The following ADCY1 variants were observed in gnomAD, a reference collection of about 807,000 sequenced individuals.
The protein encoded by ADCY1 is adenylate cyclase type 1.
ADCY1 carries 28 observed loss-of-function variants against 105.4 expected under a neutral mutation model. The ratio of observed to expected loss-of-function variants is 0.27; its 90% CI spans 0.20 to 0.36. ADCY1 has a LOEUF of 0.36. ADCY1 is among the 10% of genes least tolerant of loss of function. The pLI is 1.00. For synonymous variants in ADCY1, 655 were observed against 623.8 expected (o/e 1.05, Z -0.75); for missense variants, 977 against 1,434.2 (o/e 0.68, Z 5.15).
At chr7:45,639,760 T>A (rs1240442380) in intron 4 of ADCY1, among the ~76,000 whole-genome samples, 1 of 152,142 alleles carries the variant, frequency 6.6e-6, no homozygotes, top group East Asian at 1.9e-4. Context: ...GGGTCCCTGA[T>A]GGGGATCAGT....
intron 4 of ADCY1, among the ~76,000 whole-genome samples, chr7:45,634,743 C>A (rs575728382): frequency 6.6e-6 from 1 of 152,300 alleles, no homozygotes; most frequent in African/African-American, 2.4e-5. Context: ...ATCAGTCATA[C>A]AGTTTTGACT....
chr7:45,635,601 GTTTTTTTTTTTTTTT>G (rs71030884), intron 4 of ADCY1, among the ~76,000 whole-genome samples: 5 of 57,196 alleles, frequency 8.7e-5, no homozygotes, highest in African/African-American at 1.4e-4. Flanking sequence ...AATTTCTCTT[GTTTTTTTTTTTTTTT>G]TTTTTTTTTT....
intron 3 of ADCY1, among the ~76,000 whole-genome samples, chr7:45,613,585 TATATC>T (rs1793650656): frequency 6.6e-6 from 1 of 152,120 alleles, no homozygotes; most frequent in Non-Finnish European, 1.5e-5. Flanking sequence ...GATGTAAAAA[TATATC>T]ATTAAATATG....
Position 45,713,944 on chromosome 7 carries a change from A to C in ADCY1, c.3309A>C (p.Pro1103=), listed in dbSNP as rs1273363971. Residue 1103 remains proline, a synonymous_variant, in exon 20 of 20, where the codon CCA becomes CCC. Coordinates refer to ENST00000297323, the MANE Select transcript of ADCY1 (RefSeq NM_021116.4). ...TCTCAGTCAGGGCTGGGCTCCCTCCACACTCCCCAGGCCAGTACCTGCCCT... is the reference window on the plus strand; with the variant it reads ...TCTCAGTCAGGGCTGGGCTCCCTCCCCACTCCCCAGGCCAGTACCTGCCCT... The part of the protein sequence containing the change: ...PGVSVRAGLP[P]HSPGQYLPSA... 1 of 780,194 alleles carries C rather than the reference A, an allele frequency of 1.3e-6. No homozygotes were observed. Among genetic ancestry groups the C allele is most frequent in the Non-Finnish European group, 2.4e-6 (1 of 418,096 alleles). The allele number at this position is 780,194 out of a possible 1,614,324, so 48.3% of individuals were successfully genotyped here. A position where few individuals can be genotyped will look rare whatever the true frequency, so the allele number is the denominator to read the frequency against.
At chr7:45,625,489 G>T (rs183555211) in intron 4 of ADCY1, among the ~76,000 whole-genome samples, 7 of 151,786 alleles carry the variant, frequency 4.6e-5, no homozygotes, top group African/African-American at 1.5e-4. Flanking sequence ...ATGTGCACAC[G>T]TGTGTACACA....
In ADCY1 at chr7:45,609,286, T is replaced by C. The variant is rs372441486; in HGVS notation, c.790-1093T>C. Among the ~76,000 whole-genome samples the C allele has an allele frequency of 3.9e-5, 6 of 152,262 alleles. No homozygotes were observed. In the East Asian group the frequency reaches 1.2e-3, roughly 30 times the overall value. Reference sequence around the variant, plus strand: ...GCTCCTGGGTCAGGGATGTAGCCTGTGCAGGAGGGACTCCCAGGGCTGTGC... The same window carrying C: ...GCTCCTGGGTCAGGGATGTAGCCTGCGCAGGAGGGACTCCCAGGGCTGTGC... On this transcript the variant is annotated intron_variant, in intron 2 of 19. Coordinates refer to ENST00000297323, the MANE Select transcript of ADCY1 (RefSeq NM_021116.4).
At chr7:45,699,394 C>T (rs1213836999) in intron 14 of ADCY1, among the ~76,000 whole-genome samples, 1 of 152,082 alleles carries the variant, frequency 6.6e-6, no homozygotes. Context: ...AGTGAGTCCC[C>T]CATCTCTGTG....
intron 14 of ADCY1, among the ~76,000 whole-genome samples, chr7:45,700,969 C>T (rs76154881): frequency 0.036 from 5,524 of 152,284 alleles, 157 homozygotes; most frequent in Admixed American, 0.077. Flanking sequence ...TGAGGCATCA[C>T]GTAACTATCA....
chr7:45,699,661 C>T (rs1198509705), intron 14 of ADCY1, among the ~76,000 whole-genome samples: 1 of 152,014 alleles, frequency 6.6e-6, no homozygotes, highest in Non-Finnish European at 1.5e-5. Flanking sequence ...GACCTAACTA[C>T]ATGGGAGGGA....
At chr7:45,709,733 T>G (rs1241400893) in intron 18 of ADCY1, among the ~76,000 whole-genome samples, 1 of 152,194 alleles carries the variant, frequency 6.6e-6, no homozygotes, top group African/African-American at 2.4e-5. Flanking sequence ...AAAGCCCCAG[T>G]TGCAGGAGGT....
intron 2 of ADCY1, among the ~76,000 whole-genome samples, chr7:45,603,188 A>G (rs1302292780): frequency 6.6e-6 from 1 of 152,334 alleles, no homozygotes; most frequent in East Asian, 1.9e-4. Flanking sequence ...TGGATGGATC[A>G]CATTTTGTTT....
chr7:45,644,672 T>A (rs1460851771), intron 4 of ADCY1, among the ~76,000 whole-genome samples: 1 of 152,208 alleles, frequency 6.6e-6, no homozygotes, highest in Non-Finnish European at 1.5e-5. Context: ...CATCTCATCT[T>A]CTTCTTTCTT....
intron 8 of ADCY1, among the ~76,000 whole-genome samples, chr7:45,667,468 G>T (rs1784284231): frequency 6.6e-6 from 1 of 152,164 alleles, no homozygotes; most frequent in Non-Finnish European, 1.5e-5. Flanking sequence ...TGAGGGCTCT[G>T]TTGTGTTCCA....
In ADCY1 at chr7:45,677,869, C is replaced by T. The variant is rs143601874; in HGVS notation, c.1606C>T (p.Arg536Trp). 2.5e-5 allele frequency: 41 copies of T among 1,613,166 alleles called. 1 individual carries two copies. The highest frequency in any genetic ancestry group is 1.7e-4 in the Middle Eastern group (1 of 6,052). ...NVMTCEDDDK[R>W]RALRTASEKL... ...TCCTTTATTTCCATGATGGCTCCAGCGGAGGGCATTAAGAACAGCCTCGGA... is the reference window on the plus strand; with the variant it reads ...TCCTTTATTTCCATGATGGCTCCAGTGGAGGGCATTAAGAACAGCCTCGGA... The change falls in exon 9 of 20, where the codon CGG becomes TGG. Residue 536 changes from arginine (R) to tryptophan (W), a missense_variant and splice_region_variant. Arg to Trp is a moderately radical substitution (Grantham distance 101). Transcript: ENST00000297323.
chr7:45,659,856 T>TA lies in ADCY1; in HGVS notation c.1308-185dup, dbSNP rs895248261. On this transcript the variant is annotated intron_variant, in intron 6 of 19. Coordinates refer to ENST00000297323, the MANE Select transcript of ADCY1 (RefSeq NM_021116.4). ...TGCTGGGCATGGTTCCTGATGGCCC[T>TA]ACTGTATCTGCCTGGGCCCTCCCTC... Among the ~76,000 whole-genome samples, 199 of 152,314 alleles carry TA rather than the reference T, an allele frequency of 1.3e-3. 2 individuals are homozygous for TA. The highest frequency in any genetic ancestry group is 4.6e-3 in the African/African-American group (193 of 41,578).
intron 17 of ADCY1, among the ~76,000 whole-genome samples, chr7:45,706,492 CAAA>C (rs58794109): frequency 1.3e-4 from 8 of 59,464 alleles, no homozygotes; most frequent in African/African-American, 3.2e-4. Context: ...ACATCACATG[CAAA>C]AAAAAAAAAA....
At chr7:45,685,524 A>G (rs889336408) in intron 12 of ADCY1, among the ~76,000 whole-genome samples, 1 of 151,366 alleles carries the variant, frequency 6.6e-6, no homozygotes, top group Non-Finnish European at 1.5e-5. Flanking sequence ...CAGGAAGGAC[A>G]GAGCTGGGGG....
At chr7:45,652,086 C>T (rs1221501317) in intron 5 of ADCY1, among the ~76,000 whole-genome samples, 1 of 152,108 alleles carries the variant, frequency 6.6e-6, no homozygotes, top group Non-Finnish European at 1.5e-5. Context: ...GCAAGCACGT[C>T]TTCTCATGGC....
At chr7:45,613,835 C>T (rs1056825103) in intron 3 of ADCY1, among the ~76,000 whole-genome samples, 3 of 152,108 alleles carry the variant, frequency 2.0e-5, no homozygotes, top group Non-Finnish European at 4.4e-5. Flanking sequence ...CAGCAGAAAC[C>T]TTGCAGGCCA....
Sources: gnomAD v4.1 joint callset for allele counts (sites outside exome capture counted in the v4.1 genomes callset) on GRCh38, gnomAD v4.1.1 for gene constraint, MANE v1.5 for transcripts, NCBI Gene and HGNC (gene_info 2026-07-23, HGNC 2026-07-21) for gene names.